GNAO1: variants seen among roughly 807,000 people sequenced by gnomAD.
The protein encoded by GNAO1 is G protein subunit alpha o1, also known as guanine nucleotide-binding protein G(o) subunit alpha.
For missense variants in GNAO1, 166 were observed against 478.7 expected, an observed-to-expected ratio of 0.35 and a Z score of 6.10; for synonymous variants, 164 against 180.7, an observed-to-expected ratio of 0.91 and a Z score of 0.74.
chr16:56,210,778 T>C (rs1485686087), intron 2 of GNAO1, among the ~76,000 whole-genome samples: 59 of 152,230 alleles, frequency 3.9e-4, no homozygotes, highest in Admixed American at 6.5e-4. Flanking sequence ...TGTGTTCTTA[T>C]TGTTGAATTT....
intron 3 of GNAO1, among the ~76,000 whole-genome samples, chr16:56,327,512 C>T (rs1488556624): frequency 6.6e-6 from 1 of 152,084 alleles, no homozygotes; most frequent in African/African-American, 2.4e-5. Flanking sequence ...AGTGTGTTCA[C>T]CAAATCCTTT....
At chr16:56,259,008 G>A (rs548281425) in intron 2 of GNAO1, among the ~76,000 whole-genome samples, 2 of 152,226 alleles carry the variant, frequency 1.3e-5, no homozygotes, top group African/African-American at 2.4e-5. Flanking sequence ...ACACATACGC[G>A]TGGCTTTAGA....
At chr16:56,211,115 G>C (rs969716361) in intron 2 of GNAO1, among the ~76,000 whole-genome samples, 3 of 152,198 alleles carry the variant, frequency 2.0e-5, no homozygotes, top group Admixed American at 6.5e-5. Flanking sequence ...TCCAAGGAGA[G>C]AATATTCAGG....
intron 3 of GNAO1, among the ~76,000 whole-genome samples, chr16:56,319,405 T>C (rs917084674): frequency 2.6e-5 from 4 of 152,140 alleles, no homozygotes; most frequent in Non-Finnish European, 5.9e-5. Context: ...GCAGGGGGAC[T>C]GTCTGTGTCC....
chr16:56,295,145 A>G (rs1255155363), intron 3 of GNAO1, among the ~76,000 whole-genome samples: 1 of 152,126 alleles, frequency 6.6e-6, no homozygotes, highest in Non-Finnish European at 1.5e-5. Context: ...CGTCTAGTCC[A>G]TACCTCCCTT....
intron 3 of GNAO1, among the ~76,000 whole-genome samples, chr16:56,313,904 T>A (rs1338486774): frequency 1.3e-5 from 2 of 152,058 alleles, no homozygotes; most frequent in Non-Finnish European, 2.9e-5. Flanking sequence ...CCTGGCTAAT[T>A]TTTTTTAATT....
chr16:56,255,055 C>A (rs1477113393), intron 2 of GNAO1, among the ~76,000 whole-genome samples: 2 of 152,192 alleles, frequency 1.3e-5, no homozygotes, highest in East Asian at 3.9e-4. Flanking sequence ...TTCCTCCCAT[C>A]CTCTTCAACT....
chr16:56,348,162 T>C (rs1204909505), intron 6 of GNAO1: 54 of 980,606 alleles, frequency 5.5e-5, no homozygotes, highest in Non-Finnish European at 1.2e-5. Flanking sequence ...ATGTATTTAT[T>C]AGTCGCCTAC....
At chr16:56,347,365 C>A in intron 6 of GNAO1, 1 of 985,394 alleles carries the variant, frequency 1.0e-6, no homozygotes, top group Non-Finnish European at 1.2e-6. Context: ...AAGCCTAGAG[C>A]GCAGGATCCC....
intron 3 of GNAO1, among the ~76,000 whole-genome samples, chr16:56,312,854 C>A (rs1464829477): frequency 6.6e-6 from 1 of 152,132 alleles, no homozygotes; most frequent in African/African-American, 2.4e-5. Context: ...ATGGGCTCAC[C>A]GAGTCAGAAA....
chr16:56,235,259 TC>T, intron 2 of GNAO1: 1 of 453,288 alleles, frequency 2.2e-6, no homozygotes. Flanking sequence ...GGTGGCTCAA[TC>T]CACTCAGATC....
chr16:56,268,837 G>A (rs1322833616), intron 2 of GNAO1, among the ~76,000 whole-genome samples: 1 of 152,168 alleles, frequency 6.6e-6, no homozygotes, highest in African/African-American at 2.4e-5. Flanking sequence ...TCCAGATCCT[G>A]GTCTCGTAGG....
intron 3 of GNAO1, among the ~76,000 whole-genome samples, chr16:56,306,544 T>C (rs1300554942): frequency 6.6e-6 from 1 of 152,192 alleles, no homozygotes; most frequent in African/African-American, 2.4e-5. Flanking sequence ...CCTCCAGGGC[T>C]AACCTGCTGA....
At chr16:56,280,700 C>T (rs1382225321) in intron 3 of GNAO1, among the ~76,000 whole-genome samples, 1 of 152,032 alleles carries the variant, frequency 6.6e-6, no homozygotes, top group Non-Finnish European at 1.5e-5. Flanking sequence ...TAGAGTGATG[C>T]GTAGCAACAA....
chr16:56,332,884 A>T (rs1596870236), intron 4 of GNAO1, among the ~76,000 whole-genome samples: 1 of 152,234 alleles, frequency 6.6e-6, no homozygotes, highest in South Asian at 2.1e-4. Context: ...AGCAGAGGTC[A>T]TGGGCGCCAG....
At chr16:56,353,921 C>A (rs1266097077) in intron 7 of GNAO1, among the ~76,000 whole-genome samples, 1 of 152,328 alleles carries the variant, frequency 6.6e-6, no homozygotes, top group African/African-American at 2.4e-5. Flanking sequence ...TTGGTGGGGA[C>A]AGAGGGCCCC....
chr16:56,206,070 C>T (rs1421899816), intron 2 of GNAO1, among the ~76,000 whole-genome samples: 1 of 152,052 alleles, frequency 6.6e-6, no homozygotes, highest in African/African-American at 2.4e-5. Flanking sequence ...CCTGTAATCC[C>T]AGCACTTTGG....
chr16:56,340,711 C>T, intron 6 of GNAO1: 1 of 819,530 alleles, frequency 1.2e-6, no homozygotes, highest in Admixed American at 2.1e-5. Context: ...TGGTCTCCGT[C>T]CCGGTGGTGC....
Position 56,351,125 on chromosome 16 carries a change from G to T in GNAO1, c.724-259G>T, listed in dbSNP as rs1160496325. On this transcript the variant is annotated intron_variant, in intron 6 of 8. Coordinates refer to ENST00000262493, the MANE Select transcript of GNAO1 (RefSeq NM_020988.3). This position sits in a 1 kb window ranked among gnomAD's most constrained non-coding sequence, Gnocchi z 6.1. The stretch of plus-strand genomic sequence containing the variant: ...CAGTGGGGAGAGCCCGGGTCACCCT[G>T]TCCTCAGCCTCCCCAGAGAGCCATG... Among the ~76,000 whole-genome samples, 1 of 152,192 alleles carries T rather than the reference G, an allele frequency of 6.6e-6. No homozygotes were observed. Among genetic ancestry groups the T allele is most frequent in the Non-Finnish European group, 1.5e-5 (1 of 68,032 alleles).
Sources: allele counts gnomAD v4.1 joint callset (sites outside exome capture counted in the v4.1 genomes callset), GRCh38; gene constraint gnomAD v4.1.1; non-coding constraint Gnocchi (gnomAD v3.1); transcripts MANE v1.5; gene names NCBI Gene and HGNC (gene_info 2026-07-23, HGNC 2026-07-21).